Variants in DPP10 observed in about 807,000 individuals in gnomAD.
DPP10 encodes the protein inactive dipeptidyl peptidase 10.
In DPP10, 33 loss-of-function variants were observed where a neutral mutation model predicts 120.9. The observed-to-expected ratio is 0.27, with a 90% CI of 0.21 to 0.37. DPP10 has a LOEUF of 0.37. Ranked by LOEUF, DPP10 falls within the 10% of genes least tolerant of loss-of-function variation. The pLI is 1.00. For missense variants in DPP10, 816 were observed against 942.8 expected (o/e 0.87, Z 1.76); for synonymous variants, 337 against 326.1 (o/e 1.03, Z -0.36).
chr2:115,814,812 C>A lies in DPP10; in HGVS notation c.1720C>A (p.Gln574Lys). ...TTGCAGGGATGAAGAACCAGGAGGC[C>A]AGCTGGTTACAGATAAGTTCCATAT... is the stretch of plus-strand genomic sequence containing the variant. ...LLIMDEEPGG[Q>K]LVTDKFHIDW... The change falls in exon 20 of 26, where the codon CAG becomes AAG. Residue 574 changes from glutamine (Q) to lysine (K), a missense_variant. Around this residue, in one of 3 missense-constraint regions of DPP10, gnomAD observed 592 missense variants for 649.0 expected, o/e 0.91. Transcript: ENST00000410059. 4 of 1,553,620 alleles carry A rather than the reference C, an allele frequency of 2.6e-6. No individual in the cohort carries two copies. Among genetic ancestry groups the A allele is most frequent in the Non-Finnish European group, 3.5e-6 (4 of 1,137,170 alleles).
chr2:114,952,635 T>A (rs190989550), intron 1 of DPP10, among the ~76,000 whole-genome samples: 1 of 152,320 alleles, frequency 6.6e-6, no homozygotes, highest in Admixed American at 6.5e-5. Flanking sequence ...GCTACCATAT[T>A]TTTAGCAGTA....
intron 7 of DPP10, among the ~76,000 whole-genome samples, chr2:115,725,318 A>G (rs2092739330): frequency 6.6e-6 from 1 of 152,204 alleles, no homozygotes; most frequent in South Asian, 2.1e-4. Context: ...TTTGAAACAA[A>G]TACAACTCAA....
Position 115,842,489 on chromosome 2 carries a change from A to G in DPP10, c.*144A>G. 1 of 936,620 alleles carries G rather than the reference A, an allele frequency of 1.1e-6. No individual in the cohort carries two copies. The highest frequency in any genetic ancestry group is 1.5e-6 in the Non-Finnish European group (1 of 664,680). The allele number at this position is 936,620 out of a possible 1,614,324, so 58.0% of individuals were successfully genotyped here. A position where few individuals can be genotyped will look rare whatever the true frequency, so the allele number is the denominator to read the frequency against. On this transcript the variant is annotated 3_prime_UTR_variant, in exon 26 of 26. Coordinates refer to ENST00000410059, the MANE Select transcript of DPP10 (RefSeq NM_020868.6). ...GCAGCACGCTCAGAGACAGTGAACT[A>G]GCATTTGAATACACAAGTCCAAGTC...
At chr2:114,890,312 G>GA (rs1692434789) in intron 1 of DPP10, among the ~76,000 whole-genome samples, 1 of 152,132 alleles carries the variant, frequency 6.6e-6, no homozygotes, top group Non-Finnish European at 1.5e-5. Context: ...GATAGTTGGG[G>GA]AAAAGGCAAT....
In DPP10 at chr2:115,123,686, A is replaced by G. The variant is rs1442266148; in HGVS notation, c.61-185553A>G. On this transcript the variant is annotated intron_variant, in intron 1 of 25. Transcript: ENST00000410059. ...GCTGAGACCAATTATTATTTTAGAG[A>G]GACAGTTTAACAATCACCTGACCAT... is the stretch of plus-strand genomic sequence containing the variant. 2.6e-5 allele frequency among the ~76,000 whole-genome samples: 4 copies of G among 152,080 alleles called. No homozygotes were observed. In the South Asian group the frequency reaches 8.3e-4, roughly 32 times the overall value.
chr2:115,797,256 T>C (rs1684640542), intron 19 of DPP10, among the ~76,000 whole-genome samples: 1 of 152,062 alleles, frequency 6.6e-6, no homozygotes, highest in Non-Finnish European at 1.5e-5. Context: ...ATCAAAATGT[T>C]CACTTTGTGG....
intron 3 of DPP10, among the ~76,000 whole-genome samples, chr2:115,360,760 G>A (rs1005768868): frequency 2.6e-5 from 4 of 152,144 alleles, no homozygotes; most frequent in Admixed American, 6.5e-5. Flanking sequence ...CAGGAGACCC[G>A]TAGTCCCCTA....
intron 1 of DPP10, among the ~76,000 whole-genome samples, chr2:114,780,295 T>A (rs961283327): frequency 6.6e-6 from 1 of 152,166 alleles, no homozygotes; most frequent in Admixed American, 6.5e-5. Flanking sequence ...ATAGGATAGC[T>A]TGGTTTTGAG....
At chr2:115,765,277 C>G (rs1178673090) in intron 12 of DPP10, among the ~76,000 whole-genome samples, 16 of 152,092 alleles carry the variant, frequency 1.1e-4, no homozygotes, top group Admixed American at 1.0e-3. Flanking sequence ...GAGAAAAAAG[C>G]TATTCATCTT....
intron 5 of DPP10, among the ~76,000 whole-genome samples, chr2:115,544,809 G>A (rs2079400443): frequency 6.6e-6 from 1 of 151,974 alleles, no homozygotes; most frequent in Non-Finnish European, 1.5e-5. Context: ...GCTGGTGGTG[G>A]TGAATTGATT....
rs917649396 is a variant in DPP10, at chr2:114,870,801, T to A, written c.60+427963T>A. ...TCATTTTTATTTTAGATAAAGTGCC[T>A]ATTTTACATAGATTTCCTCTTAACA... On this transcript the variant is annotated intron_variant, in intron 1 of 25. Coordinates refer to ENST00000410059, the MANE Select transcript of DPP10 (RefSeq NM_020868.6). Among the ~76,000 whole-genome samples, 8 of 135,724 alleles carry A rather than the reference T, an allele frequency of 5.9e-5. 2 individuals carry two copies. The highest frequency in any genetic ancestry group is 1.0e-4 in the African/African-American group (4 of 39,078). The allele number at this position is 135,724 out of a possible 152,430, so 89.0% of individuals were successfully genotyped here. A position where few individuals can be genotyped will look rare whatever the true frequency, so the allele number is the denominator to read the frequency against.
intron 1 of DPP10, among the ~76,000 whole-genome samples, chr2:114,677,244 T>C (rs1352948528): frequency 6.6e-6 from 1 of 152,120 alleles, no homozygotes; most frequent in Non-Finnish European, 1.5e-5. Flanking sequence ...GGCTCTTAAC[T>C]ATTAACATTG....
chr2:114,626,178 A>G (rs1460214393), intron 1 of DPP10, among the ~76,000 whole-genome samples: 2 of 151,880 alleles, frequency 1.3e-5, no homozygotes, highest in Non-Finnish European at 2.9e-5. Flanking sequence ...CACACTACAT[A>G]TAAAACACTC....
intron 1 of DPP10, among the ~76,000 whole-genome samples, chr2:115,234,876 G>C (rs1358852508): frequency 6.6e-6 from 1 of 152,042 alleles, no homozygotes; most frequent in African/African-American, 2.4e-5. Context: ...TCTAAAAGTT[G>C]ATCATTGGAG....
Position 114,442,771 on chromosome 2 carries a change from C to T in DPP10, c.-8C>T. ...CCTGGGATTGTGCACTGTCCAGGGTCCTGAAACATGAACCAAACTGCCAGC... is the reference window on the plus strand; with the variant it reads ...CCTGGGATTGTGCACTGTCCAGGGTTCTGAAACATGAACCAAACTGCCAGC... On this transcript the variant is annotated 5_prime_UTR_variant, in exon 1 of 26. Coordinates refer to ENST00000410059, the MANE Select transcript of DPP10 (RefSeq NM_020868.6). 1.2e-6 allele frequency: 2 copies of T among 1,613,258 alleles called. No homozygotes were observed. Among genetic ancestry groups the T allele is most frequent in the South Asian group, 1.1e-5 (1 of 91,060 alleles).
At chr2:115,558,247 T>C (rs571447160) in intron 5 of DPP10, among the ~76,000 whole-genome samples, 1 of 152,282 alleles carries the variant, frequency 6.6e-6, no homozygotes, top group South Asian at 2.1e-4. Flanking sequence ...CAGGATCTCT[T>C]GAAGGAGATC....
At chr2:114,690,083 T>C (rs1699636540) in intron 1 of DPP10, among the ~76,000 whole-genome samples, 1 of 152,136 alleles carries the variant, frequency 6.6e-6, no homozygotes, top group Admixed American at 6.6e-5. Context: ...GCTCTTTAGT[T>C]TAATTAGATC....
At chr2:114,746,111 T>C (rs1278708697) in intron 1 of DPP10, among the ~76,000 whole-genome samples, 1 of 152,198 alleles carries the variant, frequency 6.6e-6, no homozygotes, top group African/African-American at 2.4e-5. Flanking sequence ...CCATCACTAG[T>C]TTTCCACCAG....
At chr2:115,231,326 C>T (rs2057724172) in intron 1 of DPP10, among the ~76,000 whole-genome samples, 1 of 151,990 alleles carries the variant, frequency 6.6e-6, no homozygotes, top group African/African-American at 2.4e-5. Flanking sequence ...AGCATGCATT[C>T]TATTTATAAA....
Sources: gnomAD v4.1 joint callset for allele counts (sites outside exome capture counted in the v4.1 genomes callset) on GRCh38, gnomAD v4.1.1 for gene constraint, gnomAD v4.1.1 regional missense constraint, MANE v1.5 for transcripts, NCBI Gene and HGNC (gene_info 2026-07-23, HGNC 2026-07-21) for gene names.